The following TUBB variants were observed in gnomAD, a reference collection of about 807,000 sequenced individuals.
The protein encoded by TUBB is tubulin beta chain.
TUBB carries 2 observed loss-of-function variants against 35.1 expected under a neutral mutation model. The ratio of observed to expected loss-of-function variants is 0.06; its 90% CI spans 0.02 to 0.18. The LOEUF (loss-of-function observed/expected upper bound fraction) is 0.18. TUBB is among the 10% of genes least tolerant of loss of function. TUBB has a pLI of 1.00. For synonymous variants in TUBB, 205 were observed against 223.8 expected (o/e 0.92, Z 0.75); for missense variants, 50 against 599.4 (o/e 0.08, Z 9.57).
rs14020 is a variant in TUBB, at chr6:30,724,424, C to T, written c.*27C>T. On this transcript the variant is annotated 3_prime_UTR_variant, in exon 4 of 4. Coordinates refer to ENST00000327892, the MANE Select transcript of TUBB (RefSeq NM_178014.4). This position sits in a 1 kb window ranked among gnomAD's most constrained non-coding sequence, Gnocchi z 4.4. ...GCAGAGCCCCCATCACCTCAGGCTT[C>T]TCAGTTCCCTTAGCCGTCTTACTCA... 3.0e-5 allele frequency: 48 copies of T among 1,581,720 alleles called. No homozygotes were observed. The highest frequency in any genetic ancestry group is 3.9e-5 in the Non-Finnish European group (45 of 1,162,832).
rs750322567 is a variant in TUBB, at chr6:30,720,593, T to G, written c.57+30T>G. ...GAATTTTACACCTCTTTTATTTCTT[T>G]TTACAAGGAAAAATCCAGGTAAGTT... On this transcript the variant is annotated intron_variant, in intron 1 of 3. Coordinates refer to ENST00000327892, the MANE Select transcript of TUBB (RefSeq NM_178014.4). The G allele has an allele frequency of 1.9e-6, 3 of 1,595,814 alleles. No homozygotes were observed. In the East Asian group the frequency reaches 6.7e-5, roughly 36 times the overall value.
In TUBB at chr6:30,722,835, A is replaced by T. The variant is rs1776381747; in HGVS notation, c.167-83A>T. ...CGGGACCTGGAATGACAAGTCTCTG[A>T]TCCCTGCTGTCTCCCATTTCCAGTA... On this transcript the variant is annotated intron_variant, in intron 2 of 3. Coordinates refer to ENST00000327892, the MANE Select transcript of TUBB (RefSeq NM_178014.4). 2.3e-6 allele frequency: 3 copies of T among 1,285,920 alleles called. No homozygotes were observed. In the South Asian group the frequency reaches 3.9e-5, roughly 17 times the overall value. The allele number at this position is 1,285,920 out of a possible 1,614,324, so 79.7% of individuals were successfully genotyped here. A position where few individuals can be genotyped will look rare whatever the true frequency, so the allele number is the denominator to read the frequency against.
At chr6:30,721,934 G>C in intron 1 of TUBB, 1 of 975,754 alleles carries the variant, frequency 1.0e-6, no homozygotes, top group Non-Finnish European at 1.2e-6. Flanking sequence ...TCAGGGGTTC[G>C]AGACCATCCT....
chr6:30,724,442 C>G lies in TUBB; in HGVS notation c.*45C>G, dbSNP rs1061142. The G allele has an allele frequency of 1.3e-6, 2 of 1,519,998 alleles. No homozygotes were observed. The highest frequency in any genetic ancestry group is 1.2e-5 in the South Asian group (1 of 81,168). The allele number at this position is 1,519,998 out of a possible 1,614,324, so 94.2% of individuals were successfully genotyped here. A position where few individuals can be genotyped will look rare whatever the true frequency, so the allele number is the denominator to read the frequency against. The stretch of plus-strand genomic sequence containing the variant: ...CAGGCTTCTCAGTTCCCTTAGCCGT[C>G]TTACTCAACTGCCCCTTTCCTCTCC... On this transcript the variant is annotated 3_prime_UTR_variant, in exon 4 of 4. Transcript: ENST00000327892. This position sits in a 1 kb window ranked among gnomAD's most constrained non-coding sequence, Gnocchi z 4.4.
chr6:30,723,421 T>C lies in TUBB; in HGVS notation c.359T>C (p.Val120Ala). The change falls in exon 4 of 4, where the codon GTA (valine) becomes GCA (alanine). Residue 120 changes from valine to alanine, a missense_variant. Around this residue, in one of 2 missense-constraint regions of TUBB, gnomAD observed 38 missense variants for 578.9 expected, o/e 0.07. Coordinates refer to ENST00000327892, the MANE Select transcript of TUBB (RefSeq NM_178014.4). ...AELVDSVLDV[V>A]RKEAESCDCL... is the part of the protein sequence containing the mutation. ...CTGGTTGATTCTGTCCTGGATGTGG[T>C]ACGGAAGGAGGCAGAGAGCTGTGAC... 6.2e-7 allele frequency: 1 copy of C among 1,614,116 alleles called. No homozygotes were observed. The highest frequency in any genetic ancestry group is 8.5e-7 in the Non-Finnish European group (1 of 1,179,986).
chr6:30,722,046 G>A, intron 1 of TUBB: 1 of 271,706 alleles, frequency 3.7e-6, no homozygotes, highest in Non-Finnish European at 5.6e-6. Flanking sequence ...CCAGCTACTC[G>A]AGAGGCTGAG....
chr6:30,722,861 T>C, intron 2 of TUBB, 57 bp from the exon 3 acceptor site: 1 of 1,435,148 alleles, frequency 7.0e-7, no homozygotes, highest in South Asian at 1.2e-5. Context: ...ATTTCCAGTA[T>C]ATCTATAAAC....
chr6:30,720,582 TTTTA>T lies in TUBB; in HGVS notation c.57+23_57+26del, dbSNP rs1415232902. The stretch of plus-strand genomic sequence containing the variant: ...TGCCAAGGTAAGAATTTTACACCTC[TTTTA>T]TTTCTTTTTACAAGGAAAAATCCAG... On this transcript the variant is annotated intron_variant, in intron 1 of 3. Transcript: ENST00000327892. 6.3e-7 allele frequency: 1 copy of T among 1,598,776 alleles called. No individual in the cohort carries two copies.
At chr6:30,721,831 C>T (rs1246486637) in intron 1 of TUBB, 17 of 985,146 alleles carry the variant, frequency 1.7e-5, no homozygotes, top group East Asian at 1.1e-4. Context: ...GGCAGGCCCA[C>T]GGGATGCCAT....
rs1776518866 is a variant in TUBB, at chr6:30,724,643, C to T, written c.*246C>T. Reference sequence around the variant, plus strand: ...TGCCATTCTGGGTGACCCTGTATTTCTTTCTGGTGCCCATTCCATTTGTCC... The same window carrying T: ...TGCCATTCTGGGTGACCCTGTATTTTTTTCTGGTGCCCATTCCATTTGTCC... On this transcript the variant is annotated 3_prime_UTR_variant, in exon 4 of 4. Coordinates refer to ENST00000327892, the MANE Select transcript of TUBB (RefSeq NM_178014.4). This position sits in a 1 kb window ranked among gnomAD's most constrained non-coding sequence, Gnocchi z 4.4. 1 of 512,982 alleles carries T rather than the reference C, an allele frequency of 1.9e-6. No individual in the cohort carries two copies. The highest frequency in any genetic ancestry group is 3.4e-6 in the Non-Finnish European group (1 of 293,276). 31.8% of individuals were successfully genotyped at this position (512,982 alleles called of 1,614,324 possible).
intron 2 of TUBB, 110 bp downstream of exon 2, chr6:30,722,755 TTGTCCCTTTCG>T: frequency 8.5e-7 from 1 of 1,182,176 alleles, no homozygotes; most frequent in Middle Eastern, 2.0e-4. Flanking sequence ...ATCTGTCATT[TTGTCCCTTTCG>T]TGAACCACCG....
rs3132584 is a variant in TUBB, at chr6:30,720,650, G to T, written c.57+87G>T. 0.21 allele frequency: 239,817 copies of T among 1,155,722 alleles called. 29,058 individuals are homozygous for T. Among genetic ancestry groups the T allele is most frequent in the African/African-American group, 0.46 (29,073 of 63,802 alleles). The allele number at this position is 1,155,722 out of a possible 1,614,324, so 71.6% of individuals were successfully genotyped here. Reference sequence around the variant, plus strand: ...AAATGGTTGTGGGGCATTTGCACCCGCTATCCTTAATCAAGATTTGCCCCT... The same window carrying T: ...AAATGGTTGTGGGGCATTTGCACCCTCTATCCTTAATCAAGATTTGCCCCT... On this transcript the variant is annotated intron_variant, in intron 1 of 3. Transcript: ENST00000327892.
At position 30,724,440 on chromosome 6, in the gene TUBB, G is replaced by A. The variant is rs3873313; in HGVS notation, c.*43G>A. On this transcript the variant is annotated 3_prime_UTR_variant, in exon 4 of 4. Transcript: ENST00000327892. The surrounding 1 kb of genome is among the most constrained non-coding windows in gnomAD (Gnocchi z 4.4). The stretch of plus-strand genomic sequence containing the variant: ...CTCAGGCTTCTCAGTTCCCTTAGCC[G>A]TCTTACTCAACTGCCCCTTTCCTCT... 21 of 1,538,830 alleles carry A rather than the reference G, an allele frequency of 1.4e-5. No individual in the cohort carries two copies. Among genetic ancestry groups the A allele is most frequent in the Middle Eastern group, 2.4e-4 (1 of 4,198 alleles).
Position 30,724,520 on chromosome 6 carries a change from G to T in TUBB, c.*123G>T, listed in dbSNP as rs1562160227. The T allele has an allele frequency of 1.0e-5, 9 of 867,926 alleles. No homozygotes were observed. The South Asian group carries it at 1.6e-4, about 15-fold the overall frequency. 53.8% of individuals were successfully genotyped at this position (867,926 alleles called of 1,614,324 possible). On this transcript the variant is annotated 3_prime_UTR_variant, in exon 4 of 4. Coordinates refer to ENST00000327892, the MANE Select transcript of TUBB (RefSeq NM_178014.4). This position sits in a 1 kb window ranked among gnomAD's most constrained non-coding sequence, Gnocchi z 4.4. ...CTTGTTTTTTGTTTTTTCTTCTGGG[G>T]GGGGTCTAGAACAGTGCCTGGCACA...
At position 30,724,052 on chromosome 6, in the gene TUBB, G is replaced by A; in HGVS notation, c.990G>A (p.Met330Ile). The stretch of plus-strand genomic sequence containing the variant: ...CCATGAAGGAGGTCGATGAGCAGAT[G>A]CTTAACGTGCAGAACAAGAACAGCA... ...RMSMKEVDEQ[M>I]LNVQNKNSSY... is the part of the protein sequence containing the mutation. The change falls in exon 4 of 4, where the codon ATG (methionine) becomes ATA (isoleucine). Residue 330 changes from methionine (M) to isoleucine (I), a missense_variant. Around this residue, in one of 2 missense-constraint regions of TUBB, gnomAD observed 38 missense variants for 578.9 expected, o/e 0.07. Transcript: ENST00000327892. The surrounding 1 kb of genome is among the most constrained non-coding windows in gnomAD (Gnocchi z 4.4). 1 of 1,614,080 alleles carries A rather than the reference G, an allele frequency of 6.2e-7. No homozygotes were observed. The highest frequency in any genetic ancestry group is 8.5e-7 in the Non-Finnish European group (1 of 1,179,992).
Position 30,720,381 on chromosome 6 carries a change from C to T in TUBB, c.-126C>T, listed in dbSNP as rs1438822933. The T allele has an allele frequency of 6.7e-6, 6 of 893,468 alleles. No homozygotes were observed. Among genetic ancestry groups the T allele is most frequent in the East Asian group, 2.6e-5 (1 of 38,332 alleles). The allele number at this position is 893,468 out of a possible 1,614,324, so 55.3% of individuals were successfully genotyped here. On this transcript the variant is annotated 5_prime_UTR_variant, in exon 1 of 4. Transcript: ENST00000327892. ...CAGAACCTTCCTGCCGTCGCGTTTG[C>T]ACCTCGCTGCTCCAGCCTCTGGGGC...
chr6:30,723,274 A>G (rs1776417836), intron 3 of TUBB, 66 bp from the exon 4 acceptor site: 1 of 1,319,658 alleles, frequency 7.6e-7, no homozygotes, highest in Non-Finnish European at 1.0e-6. Context: ...TGAAAAGTTG[A>G]AAGATGGAAA....
chr6:30,721,501 C>G, intron 1 of TUBB: 1 of 969,800 alleles, frequency 1.0e-6, no homozygotes, highest in Non-Finnish European at 1.2e-6. Context: ...ACCTTGGGCC[C>G]CGCCCCTCGC....
chr6:30,722,893 C>T (rs781781352), intron 2 of TUBB, 25 bp from the exon 3 acceptor site: 1 of 1,580,874 alleles, frequency 6.3e-7, no homozygotes, highest in South Asian at 1.1e-5. Context: ...CCAGATTTCA[C>T]AGCTCTTAAC....
Sources: allele counts gnomAD v4.1 joint callset, GRCh38; gene constraint gnomAD v4.1.1; regional missense constraint gnomAD v4.1.1; non-coding constraint Gnocchi (gnomAD v3.1); transcripts MANE v1.5; gene names NCBI Gene and HGNC (gene_info 2026-07-23, HGNC 2026-07-21).